Variants in TSHZ3 observed in about 807,000 individuals in gnomAD.
The protein encoded by TSHZ3 is teashirt zinc finger homeobox 3, also known as teashirt homolog 3.
A neutral mutation model predicts 64.5 loss-of-function variants in TSHZ3; 10 were observed. The observed-to-expected ratio is 0.16, with a 90% CI of 0.10 to 0.26. TSHZ3 has a LOEUF of 0.26. Among genes scored for constraint, TSHZ3 ranks in the 10% least tolerant of loss-of-function variants. The probability of loss-of-function intolerance (pLI) is 1.00; values close to 1 mark genes in which losing one functional copy is unlikely to be tolerated. For missense variants in TSHZ3, 1,242 were observed against 1,421.7 expected (o/e 0.87, Z 2.03); for synonymous variants, 608 against 593.1 (o/e 1.03, Z -0.36).
chr19:31,219,910 A>C (rs539155390), intron 4 of TSHZ3, among the ~76,000 whole-genome samples: 1 of 151,664 alleles, frequency 6.6e-6, no homozygotes, highest in East Asian at 1.9e-4. Context: ...GATTACATTA[A>C]AATATATATA....
chr19:31,231,962 G>A (rs1975546379), intron 3 of TSHZ3, among the ~76,000 whole-genome samples: 1 of 152,088 alleles, frequency 6.6e-6, no homozygotes, highest in South Asian at 2.1e-4. Flanking sequence ...TATCTGTAAT[G>A]CTCTCAGTCA....
In TSHZ3 at chr19:31,277,560, C is replaced by T; in HGVS notation, c.2233G>A (p.Asp745Asn). The T allele has an allele frequency of 6.2e-7, 1 of 1,600,718 alleles. No homozygotes were observed. Among genetic ancestry groups the T allele is most frequent in the East Asian group, 2.2e-5 (1 of 44,686 alleles). Residue 745 changes from aspartate to asparagine, a missense_variant, in exon 2 of 2, where the codon GAC (aspartate) becomes AAC (asparagine). Asp to Asn is a conservative substitution (Grantham distance 23). Coordinates refer to ENST00000240587, the MANE Select transcript of TSHZ3 (RefSeq NM_020856.4). The surrounding 1 kb of genome is among the most constrained non-coding windows in gnomAD (Gnocchi z 4.5). ...KAAKPSLPAL[D>N]PMSMLFKMSN... ...ATCTTGAAAAGCATGCTCATGGGGT[C>T]CAGGGCAGGCAGGGAGGGCTTGGCG...
intron 1 of TSHZ3, among the ~76,000 whole-genome samples, chr19:31,328,760 G>A (rs1490711067): frequency 6.6e-6 from 1 of 152,032 alleles, no homozygotes; most frequent in African/African-American, 2.4e-5. Flanking sequence ...ATTTTAAGTT[G>A]GTGACAATTA....
At chr19:31,176,225 G>A (rs980097864) in intron 5 of TSHZ3, among the ~76,000 whole-genome samples, 4 of 152,184 alleles carry the variant, frequency 2.6e-5, no homozygotes, top group African/African-American at 9.6e-5. Context: ...CCCACCAGCA[G>A]AAGTCCTGTA....
At chr19:31,323,599 T>A (rs1475656259) in intron 1 of TSHZ3, among the ~76,000 whole-genome samples, 3 of 152,150 alleles carry the variant, frequency 2.0e-5, no homozygotes, top group African/African-American at 7.2e-5. Flanking sequence ...TGGATTTACC[T>A]CTGCTCTCAG....
chr19:31,321,888 T>C (rs1244886498), intron 1 of TSHZ3, among the ~76,000 whole-genome samples: 1 of 152,170 alleles, frequency 6.6e-6, no homozygotes, highest in Non-Finnish European at 1.5e-5. Context: ...CGTGCATGTT[T>C]GTTACATAGG....
At position 31,276,663 on chromosome 19, in the gene TSHZ3, T is replaced by C; in HGVS notation, c.3130A>G (p.Lys1044Glu). 1 of 1,613,646 alleles carries C rather than the reference T, an allele frequency of 6.2e-7. No homozygotes were observed. ...EEDLGTSYQCKLCNRTFASKH... is the reference protein window; with the variant it reads ...EEDLGTSYQCELCNRTFASKH... Reference sequence around the variant, plus strand: ...CTGGCAAAGGTCCGATTGCAAAGTTTGCACTGATAGGAAGTCCCCAGGTCT... The same window carrying C: ...CTGGCAAAGGTCCGATTGCAAAGTTCGCACTGATAGGAAGTCCCCAGGTCT... Residue 1044 changes from lysine to glutamate, a missense_variant, in exon 2 of 2, where the codon AAA becomes GAA. Coordinates refer to ENST00000240587, the MANE Select transcript of TSHZ3 (RefSeq NM_020856.4).
At chr19:31,163,530 G>C (rs1974398521) in intron 5 of TSHZ3, among the ~76,000 whole-genome samples, 1 of 152,124 alleles carries the variant, frequency 6.6e-6, no homozygotes, top group Non-Finnish European at 1.5e-5. Flanking sequence ...TCAGGAGTTT[G>C]AGATCAGCCT....
chr19:31,222,986 C>G (rs1266058280), intron 4 of TSHZ3, among the ~76,000 whole-genome samples: 1 of 152,180 alleles, frequency 6.6e-6, no homozygotes, highest in Non-Finnish European at 1.5e-5. Flanking sequence ...ATCAAGGCCA[C>G]TTGAGTGGAT....
At chr19:31,213,185 G>A (rs745782143) in intron 4 of TSHZ3, among the ~76,000 whole-genome samples, 19 of 151,192 alleles carry the variant, frequency 1.3e-4, no homozygotes, top group Middle Eastern at 3.4e-3. Context: ...GTGAAACCCC[G>A]TCTCTACTAA....
rs1217147146 is a variant in TSHZ3, at chr19:31,276,857, T to C, written c.2936A>G (p.Asn979Ser). 1.2e-6 allele frequency: 2 copies of C among 1,614,162 alleles called. No individual in the cohort carries two copies. Among genetic ancestry groups the C allele is most frequent in the East Asian group, 2.2e-5 (1 of 44,870 alleles). The change falls in exon 2 of 2, where the codon AAC becomes AGC. Residue 979 changes from asparagine (N) to serine (S), a missense_variant. By Grantham distance (46) the Asn-to-Ser change is conservative. This residue lies in a region of TSHZ3 where 126 missense variants were observed against 140.6 expected (regional missense o/e 0.90). Coordinates refer to ENST00000240587, the MANE Select transcript of TSHZ3 (RefSeq NM_020856.4). ...LDTGHPVFFCNDCASQIRTPS... is the reference protein window; with the variant it reads ...LDTGHPVFFCSDCASQIRTPS... ...AGTCCTGATTTGGGACGCACAATCG[T>C]TACAAAAGAAGACGGGGTGGCCAGT... is the stretch of plus-strand genomic sequence containing the variant.
chr19:31,159,393 T>A (rs142564075), intron 5 of TSHZ3, among the ~76,000 whole-genome samples: 90 of 152,356 alleles, frequency 5.9e-4, no homozygotes, highest in African/African-American at 2.1e-3. Context: ...CTTAATTCCA[T>A]CTGCAACCTC....
rs76021506 is a variant in TSHZ3, at chr19:31,344,939, G to A, written c.40+4241C>T. 3.4e-3 allele frequency among the ~76,000 whole-genome samples: 521 copies of A among 152,274 alleles called. 2 individuals are homozygous for A. The highest frequency in any genetic ancestry group is 0.012 in the African/African-American group (498 of 41,546). The stretch of plus-strand genomic sequence containing the variant: ...GACTATCTGGCTCCTGTTTATGAGC[G>A]CGCTCAAGGCAAAACTGAGAACAAA... On this transcript the variant is annotated intron_variant, in intron 1 of 1. Transcript: ENST00000240587.
chr19:31,221,569 T>C (rs1449501373), intron 4 of TSHZ3, among the ~76,000 whole-genome samples: 2 of 152,198 alleles, frequency 1.3e-5, no homozygotes, highest in African/African-American at 2.4e-5. Flanking sequence ...GCTGGGCACA[T>C]TGAATAGAAA....
chr19:31,179,743 GTGGTGA>G (rs1438368933), intron 5 of TSHZ3, among the ~76,000 whole-genome samples: 1 of 150,284 alleles, frequency 6.7e-6, no homozygotes, highest in Non-Finnish European at 1.5e-5. Flanking sequence ...GGTGGTGGTG[GTGGTGA>G]TGGTGGTGGT....
At chr19:31,260,998 G>T (rs370645789) in intron 1 of TSHZ3, among the ~76,000 whole-genome samples, 1 of 152,178 alleles carries the variant, frequency 6.6e-6, no homozygotes, top group East Asian at 1.9e-4. Context: ...AATGCGGGGC[G>T]TGGTGGCCAG....
chr19:31,200,645 A>T (rs1223229961), intron 5 of TSHZ3, among the ~76,000 whole-genome samples: 1 of 152,202 alleles, frequency 6.6e-6, no homozygotes, highest in Admixed American at 6.5e-5. Flanking sequence ...CAATACTACG[A>T]TGTTGCATAC....
intron 4 of TSHZ3, among the ~76,000 whole-genome samples, chr19:31,221,263 A>G (rs1245749853): frequency 6.6e-6 from 1 of 152,206 alleles, no homozygotes; most frequent in Non-Finnish European, 1.5e-5. Context: ...GTGGATAGAA[A>G]GCCAATTTGG....
intron 6 of TSHZ3, among the ~76,000 whole-genome samples, chr19:31,156,254 A>T (rs1203850841): frequency 6.6e-6 from 1 of 152,224 alleles, no homozygotes; most frequent in Non-Finnish European, 1.5e-5. Flanking sequence ...TCAGGCACGT[A>T]ATAGGTATTC....
Sources: allele counts gnomAD v4.1 joint callset (sites outside exome capture counted in the v4.1 genomes callset), GRCh38; gene constraint gnomAD v4.1.1; regional missense constraint gnomAD v4.1.1; non-coding constraint Gnocchi (gnomAD v3.1); transcripts MANE v1.5; gene names NCBI Gene and HGNC (gene_info 2026-07-23, HGNC 2026-07-21).